Variants in CYP2C18 observed in about 807,000 individuals in gnomAD.
CYP2C18 encodes the protein cytochrome P450 family 2 subfamily C member 18.
A neutral mutation model predicts 41.3 loss-of-function variants in CYP2C18; 38 were observed. The observed-to-expected ratio is 0.92, with a 90% CI of 0.71 to 1.21. The LOEUF is 1.21. Among genes scored for constraint, CYP2C18 ranks in the 50% most tolerant of loss-of-function variants. The probability of loss-of-function intolerance (pLI) is 0.00; values close to 1 mark genes in which losing one functional copy is unlikely to be tolerated. For synonymous variants in CYP2C18, 236 were observed against 210.0 expected (o/e 1.12, Z -1.07); for missense variants, 635 against 591.4 (o/e 1.07, Z -0.77).
At chr10:94,721,169 C>T (rs1486959495) in intron 6 of CYP2C18, among the ~76,000 whole-genome samples, 1 of 151,998 alleles carries the variant, frequency 6.6e-6, no homozygotes, top group African/African-American at 2.4e-5. Flanking sequence ...GTACCCACCA[C>T]ACCTGGCTAA....
rs1847356065 is a variant in CYP2C18, at chr10:94,706,960, G to A, written c.819G>A (p.Gln273=). Reference sequence around the variant, plus strand: ...ATTGTTTCCTGATCAAAATGGAACAGGTAAAATGTTATTTGTTTGCCTGCA... The same window carrying A: ...ATTGTTTCCTGATCAAAATGGAACAAGTAAAATGTTATTTGTTTGCCTGCA... ...FIDCFLIKME[Q]EKHNQQSEFT... Residue 273 remains glutamine, a splice_region_variant and synonymous_variant, in exon 5 of 9, where the codon CAG becomes CAA. Transcript: ENST00000285979. 6.2e-7 allele frequency: 1 copy of A among 1,602,076 alleles called. No homozygotes were observed.
chr10:94,688,242 G>T lies in CYP2C18; in HGVS notation c.449G>T (p.Arg150Leu). ...SIEDRVQEEA[R>L]CLVEELRKTN... The stretch of plus-strand genomic sequence containing the variant: ...GAGGACCGTGTTCAAGAGGAAGCCC[G>T]CTGCCTTGTGGAGGAGTTGAGAAAA... Residue 150 changes from arginine (R) to leucine (L), a missense_variant, in exon 3 of 9, where the codon CGC becomes CTC. Arg to Leu is a moderately radical substitution (Grantham distance 102, BLOSUM62 -2). Coordinates refer to ENST00000285979, the MANE Select transcript of CYP2C18 (RefSeq NM_000772.3). 1 of 1,613,236 alleles carries T rather than the reference G, an allele frequency of 6.2e-7. No homozygotes were observed. The highest frequency in any genetic ancestry group is 8.5e-7 in the Non-Finnish European group (1 of 1,179,476).
chr10:94,691,595 C>T (rs1299747421), intron 3 of CYP2C18, among the ~76,000 whole-genome samples: 1 of 152,066 alleles, frequency 6.6e-6, no homozygotes, highest in Non-Finnish European at 1.5e-5. Context: ...ATGGCCATAC[C>T]ACCCAAGGTA....
At chr10:94,716,573 C>T (rs1362625600) in intron 5 of CYP2C18, among the ~76,000 whole-genome samples, 5 of 152,044 alleles carry the variant, frequency 3.3e-5, no homozygotes, top group African/African-American at 1.2e-4. Context: ...TGTTTTTTTA[C>T]ATTTGCTGAG....
Position 94,687,753 on chromosome 10 carries a change from T to C in CYP2C18, c.169-17T>C. 1 of 1,606,046 alleles carries C rather than the reference T, an allele frequency of 6.2e-7. No homozygotes were observed. The highest frequency in any genetic ancestry group is 8.5e-7 in the Non-Finnish European group (1 of 1,176,666). On this transcript the variant is annotated splice_polypyrimidine_tract_variant and intron_variant, in intron 1 of 8. Transcript: ENST00000285979. ...ACTGAGTTTTGCTACTATTTGAACC[T>C]CCTTTTCTATGTTTAGTTCTCAAAA... is the stretch of plus-strand genomic sequence containing the variant.
chr10:94,716,347 G>A (rs981005230), intron 5 of CYP2C18, among the ~76,000 whole-genome samples: 1 of 152,128 alleles, frequency 6.6e-6, no homozygotes, highest in African/African-American at 2.4e-5. Flanking sequence ...TCTACACACT[G>A]CTTTAAATGT....
intron 6 of CYP2C18, among the ~76,000 whole-genome samples, chr10:94,722,416 T>C (rs901192762): frequency 1.3e-5 from 2 of 152,136 alleles, no homozygotes; most frequent in Admixed American, 1.3e-4. Context: ...GAAGTGATGA[T>C]AAACATATTA....
intron 5 of CYP2C18, among the ~76,000 whole-genome samples, chr10:94,714,195 G>C (rs367818323): frequency 1.2e-3 from 177 of 152,196 alleles, no homozygotes; most frequent in Admixed American, 1.6e-3. Flanking sequence ...GATCCCATTT[G>C]TCAATTTTGT....
intron 5 of CYP2C18, among the ~76,000 whole-genome samples, chr10:94,707,758 T>A (rs980337935): frequency 1.3e-5 from 2 of 152,208 alleles, no homozygotes; most frequent in Admixed American, 6.5e-5. Flanking sequence ...TTTTGTCATA[T>A]TGCCAAAAAT....
intron 7 of CYP2C18, 119 bp downstream of exon 7, chr10:94,724,652 C>A: frequency 2.1e-6 from 2 of 953,586 alleles, no homozygotes; most frequent in Non-Finnish European, 3.3e-6. Flanking sequence ...CGTGGGGCAG[C>A]TTTCTGGACT....
At chr10:94,722,994 C>A (rs1847672168) in intron 6 of CYP2C18, among the ~76,000 whole-genome samples, 1 of 152,024 alleles carries the variant, frequency 6.6e-6, no homozygotes, top group Admixed American at 6.6e-5. Flanking sequence ...TCCAAGACAC[C>A]AGACCATGGG....
At chr10:94,728,468 A>G (rs1226858459) in intron 7 of CYP2C18, 1 of 159,032 alleles carries the variant, frequency 6.3e-6, no homozygotes, top group Middle Eastern at 3.3e-3. Context: ...AAGTTAATTG[A>G]TGATCCTTGC....
rs1847041739 is a variant in CYP2C18 at position 94,693,115 on chromosome 10, TAACA to T, written c.482-1798_482-1795del. 2.6e-5 allele frequency among the ~76,000 whole-genome samples: 4 copies of T among 152,112 alleles called. No homozygotes were observed. The South Asian group carries it at 8.3e-4, about 31-fold the overall frequency. Reference sequence around the variant, plus strand: ...CCAACATGGCACACGTATACATATGTAACAAACCTGCACGTTGTGCACATGTACC... The same window carrying T: ...CCAACATGGCACACGTATACATATGTAACCTGCACGTTGTGCACATGTACC... On this transcript the variant is annotated intron_variant, in intron 3 of 8. Coordinates refer to ENST00000285979, the MANE Select transcript of CYP2C18 (RefSeq NM_000772.3).
At chr10:94,702,362 A>G (rs532137476) in intron 4 of CYP2C18, among the ~76,000 whole-genome samples, 10 of 152,260 alleles carry the variant, frequency 6.6e-5, no homozygotes, top group Admixed American at 4.6e-4. Flanking sequence ...CGTCACTTTC[A>G]GATACACCAA....
intron 6 of CYP2C18, among the ~76,000 whole-genome samples, chr10:94,723,943 A>T (rs1465237551): frequency 1.3e-5 from 2 of 152,156 alleles, no homozygotes; most frequent in African/African-American, 4.8e-5. Context: ...ACACAAATCC[A>T]TCCATACATA....
intron 4 of CYP2C18, among the ~76,000 whole-genome samples, chr10:94,702,663 A>T (rs537311384): frequency 6.6e-6 from 1 of 152,060 alleles, no homozygotes; most frequent in Admixed American, 6.5e-5. Flanking sequence ...GTTCCCTTGC[A>T]TTGAGTTAGA....
intron 3 of CYP2C18, among the ~76,000 whole-genome samples, chr10:94,690,128 T>C (rs1443192544): frequency 6.6e-6 from 1 of 152,136 alleles, no homozygotes; most frequent in Non-Finnish European, 1.5e-5. Flanking sequence ...GAAGTCTGTT[T>C]TGGGGCAACC....
chr10:94,684,295 A>G (rs1375709615), intron 1 of CYP2C18, among the ~76,000 whole-genome samples: 2 of 152,156 alleles, frequency 1.3e-5, no homozygotes, highest in Admixed American at 1.3e-4. Context: ...ACCCGAGCTT[A>G]TTCCTCCTAT....
intron 4 of CYP2C18, among the ~76,000 whole-genome samples, chr10:94,704,749 A>C (rs879853738): frequency 6.6e-6 from 1 of 152,156 alleles, no homozygotes; most frequent in East Asian, 1.9e-4. Flanking sequence ...ATTTCTTAGT[A>C]TACATAGGCA....
Sources: gnomAD v4.1 joint callset for allele counts (sites outside exome capture counted in the v4.1 genomes callset) on GRCh38, gnomAD v4.1.1 for gene constraint, MANE v1.5 for transcripts, NCBI Gene and HGNC (gene_info 2026-07-23, HGNC 2026-07-21) for gene names.